Variants in BCL11B observed in about 807,000 individuals in gnomAD.
The protein encoded by BCL11B is B-cell lymphoma/leukemia 11B.
In BCL11B, 8 loss-of-function variants were observed where a neutral mutation model predicts 49.9. The ratio of observed to expected loss-of-function variants is 0.16; its 90% CI spans 0.09 to 0.29. The LOEUF (loss-of-function observed/expected upper bound fraction) is 0.29, where lower values mean the gene tolerates loss of function less well. BCL11B is among the 10% of genes least tolerant of loss of function. BCL11B has a pLI of 1.00. For missense variants in BCL11B, 1,006 were observed against 1,351.0 expected, an observed-to-expected ratio of 0.74 and a Z score of 4.00; for synonymous variants, 739 against 637.4, an observed-to-expected ratio of 1.16 and a Z score of -2.40.
chr14:99,243,635 T>C (rs1429446939), intron 2 of BCL11B, among the ~76,000 whole-genome samples: 1 of 152,134 alleles, frequency 6.6e-6, no homozygotes, highest in East Asian at 1.9e-4. Flanking sequence ...TGCCAACCTC[T>C]AGATTCTGCG....
At chr14:99,200,808 G>A (rs915030892) in intron 3 of BCL11B, among the ~76,000 whole-genome samples, 5 of 152,214 alleles carry the variant, frequency 3.3e-5, no homozygotes, top group East Asian at 1.9e-4. Flanking sequence ...ACTGCCCTGC[G>A]TGTGGCTCAC....
chr14:99,235,150 C>T (rs893215860), intron 2 of BCL11B, among the ~76,000 whole-genome samples: 1 of 152,236 alleles, frequency 6.6e-6, no homozygotes, highest in East Asian at 1.9e-4. Flanking sequence ...GAGCCTTCCC[C>T]ACCCCTGAAG....
rs924586130 is a variant in BCL11B at position 99,242,229 on chromosome 14, A to T, written c.428-10672T>A. Among the ~76,000 whole-genome samples, 1 of 152,190 alleles carries T rather than the reference A, an allele frequency of 6.6e-6. No homozygotes were observed. The highest frequency in any genetic ancestry group is 2.4e-5 in the African/African-American group (1 of 41,446). On this transcript the variant is annotated intron_variant, in intron 2 of 3. Transcript: ENST00000357195. This position sits in a 1 kb window ranked among gnomAD's most constrained non-coding sequence, Gnocchi z 4.4. Reference sequence around the variant, plus strand: ...TTAATTAACGAGCTGCCACTAACAAAAGATGGAAGACCCAGTTCATACAGA... The same window carrying T: ...TTAATTAACGAGCTGCCACTAACAATAGATGGAAGACCCAGTTCATACAGA...
chr14:99,237,074 G>T (rs1314236301), intron 2 of BCL11B, among the ~76,000 whole-genome samples: 3 of 150,890 alleles, frequency 2.0e-5, no homozygotes, highest in African/African-American at 7.3e-5. Flanking sequence ...GCTGTGGGGG[G>T]TGTAGAGGGG....
chr14:99,199,717 T>C (rs1372762588), intron 3 of BCL11B, among the ~76,000 whole-genome samples: 7 of 131,888 alleles, frequency 5.3e-5, no homozygotes, highest in East Asian at 2.0e-4. Context: ...TGTGTGCGTG[T>C]GTGCATGCAT....
Position 99,223,550 on chromosome 14 carries a change from C to T in BCL11B, c.640+7795G>A, listed in dbSNP as rs180682342. On this transcript the variant is annotated intron_variant, in intron 3 of 3. Coordinates refer to ENST00000357195, the MANE Select transcript of BCL11B (RefSeq NM_138576.4). ...TCAATTCACACAATTCTGTTTAATA[C>T]GGCGCTGCTCCATGAGGATGAGCAT... Among the ~76,000 whole-genome samples the T allele has an allele frequency of 2.9e-3, 441 of 152,292 alleles. 1 individual carries two copies. The highest frequency in any genetic ancestry group is 9.7e-3 in the African/African-American group (402 of 41,548).
chr14:99,231,313 G>A lies in BCL11B; in HGVS notation c.640+32C>T, dbSNP rs202096971. On this transcript the variant is annotated intron_variant, in intron 3 of 3. Transcript: ENST00000357195. The surrounding 1 kb of genome is among the most constrained non-coding windows in gnomAD (Gnocchi z 8.1). Reference sequence around the variant, plus strand: ...CCATGGCACACCCCGCCATCCCGGGGGCCCGCCCCCCACCGCGGCGTCGTC... The same window carrying A: ...CCATGGCACACCCCGCCATCCCGGGAGCCCGCCCCCCACCGCGGCGTCGTC... 224 of 1,600,218 alleles carry A rather than the reference G, an allele frequency of 1.4e-4. 1 individual carries two copies. In the African/African-American group the frequency reaches 2.8e-3, roughly 20 times the overall value.
At chr14:99,234,177 G>T (rs1325252241) in intron 2 of BCL11B, among the ~76,000 whole-genome samples, 1 of 152,080 alleles carries the variant, frequency 6.6e-6, no homozygotes, top group African/African-American at 2.4e-5. Flanking sequence ...GTGAGGGGTG[G>T]CTAATGGGCA....
chr14:99,191,620 T>C (rs1342587545), intron 3 of BCL11B, among the ~76,000 whole-genome samples: 1 of 151,642 alleles, frequency 6.6e-6, no homozygotes, highest in Non-Finnish European at 1.5e-5. Context: ...CTGGGGCTCC[T>C]AGGGAGCTCC....
chr14:99,253,217 C>T (rs776043772), intron 2 of BCL11B, among the ~76,000 whole-genome samples: 16 of 152,244 alleles, frequency 1.1e-4, no homozygotes, highest in Non-Finnish European at 2.2e-4. Flanking sequence ...CCTGTGCTCC[C>T]TCACCTGAAA....
Position 99,184,956 on chromosome 14 carries a change from G to A in BCL11B, c.641-8761C>T, listed in dbSNP as rs1886810470. On this transcript the variant is annotated intron_variant, in intron 3 of 3. Transcript: ENST00000357195. The surrounding 1 kb of genome is among the most constrained non-coding windows in gnomAD (Gnocchi z 6.1). Reference sequence around the variant, plus strand: ...GCTGGGCCTACACCCCTCAAACAAAGAGCCCCAGCATTCCCCTTGACAGCC... The same window carrying A: ...GCTGGGCCTACACCCCTCAAACAAAAAGCCCCAGCATTCCCCTTGACAGCC... 6.6e-6 allele frequency among the ~76,000 whole-genome samples: 1 copy of A among 152,148 alleles called. No individual in the cohort carries two copies. Among genetic ancestry groups the A allele is most frequent in the Non-Finnish European group, 1.5e-5 (1 of 68,030 alleles).
rs1011896858 is a variant in BCL11B, at chr14:99,184,947, T to C, written c.641-8752A>G. ...CCTTAGGAAGCTGGGCCTACACCCC[T>C]CAAACAAAGAGCCCCAGCATTCCCC... On this transcript the variant is annotated intron_variant, in intron 3 of 3. Coordinates refer to ENST00000357195, the MANE Select transcript of BCL11B (RefSeq NM_138576.4). The surrounding 1 kb of genome is among the most constrained non-coding windows in gnomAD (Gnocchi z 6.1). Among the ~76,000 whole-genome samples, 51 of 152,040 alleles carry C rather than the reference T, an allele frequency of 3.4e-4. No individual in the cohort carries two copies. Among genetic ancestry groups the C allele is most frequent in the African/African-American group, 1.1e-3 (46 of 41,480 alleles).
chr14:99,244,495 T>C (rs1198560663), intron 2 of BCL11B, among the ~76,000 whole-genome samples: 2 of 152,202 alleles, frequency 1.3e-5, no homozygotes, highest in African/African-American at 4.8e-5. Flanking sequence ...TGGACCATTA[T>C]GAGTGCTGGA....
At position 99,228,891 on chromosome 14, in the gene BCL11B, T is replaced by C. The variant is rs1038743976; in HGVS notation, c.640+2454A>G. ...TGCTACAAGCTAGGTGCCTTCCAAATGGCTTCAAGCTAAAGAATGAATAAA... is the reference window on the plus strand; with the variant it reads ...TGCTACAAGCTAGGTGCCTTCCAAACGGCTTCAAGCTAAAGAATGAATAAA... On this transcript the variant is annotated intron_variant, in intron 3 of 3. Coordinates refer to ENST00000357195, the MANE Select transcript of BCL11B (RefSeq NM_138576.4). The surrounding 1 kb of genome is among the most constrained non-coding windows in gnomAD (Gnocchi z 4.8). Among the ~76,000 whole-genome samples, 13 of 152,200 alleles carry C rather than the reference T, an allele frequency of 8.5e-5. No individual in the cohort carries two copies. The highest frequency in any genetic ancestry group is 2.4e-4 in the African/African-American group (10 of 41,456).
At chr14:99,191,301 G>A (rs1158538595) in intron 3 of BCL11B, among the ~76,000 whole-genome samples, 5 of 152,082 alleles carry the variant, frequency 3.3e-5, no homozygotes, top group Admixed American at 6.6e-5. Context: ...CCCCAACAAA[G>A]GATGAGCCAG....
intron 3 of BCL11B, among the ~76,000 whole-genome samples, chr14:99,197,277 G>C (rs1887204367): frequency 6.6e-6 from 1 of 152,148 alleles, no homozygotes; most frequent in African/African-American, 2.4e-5. Context: ...CAGGACAGAA[G>C]GGGACACCTA....
intron 3 of BCL11B, among the ~76,000 whole-genome samples, chr14:99,181,888 G>A (rs547392618): frequency 1.3e-5 from 2 of 152,302 alleles, no homozygotes; most frequent in South Asian, 4.1e-4. Context: ...TCCGCCTCCA[G>A]AATCCGTCTG....
intron 3 of BCL11B, among the ~76,000 whole-genome samples, chr14:99,201,523 C>A (rs1286432249): frequency 1.3e-5 from 2 of 152,202 alleles, no homozygotes; most frequent in Admixed American, 6.5e-5. Context: ...GCCCCCACCT[C>A]CCATGACAAG....
At chr14:99,181,454 G>T (rs376802562) in intron 3 of BCL11B, among the ~76,000 whole-genome samples, 1 of 152,208 alleles carries the variant, frequency 6.6e-6, no homozygotes, top group Non-Finnish European at 1.5e-5. Context: ...GGCAGGCCAC[G>T]CTCCTCCTCA....
Sources: allele counts gnomAD v4.1 joint callset (sites outside exome capture counted in the v4.1 genomes callset), GRCh38; gene constraint gnomAD v4.1.1; non-coding constraint Gnocchi (gnomAD v3.1); transcripts MANE v1.5; gene names NCBI Gene and HGNC (gene_info 2026-07-23, HGNC 2026-07-21).